Variants in PDE4D observed in about 807,000 individuals in gnomAD.
The protein encoded by PDE4D is 3',5'-cyclic-AMP phosphodiesterase 4D.
Under a neutral mutation model 87.4 loss-of-function variants are expected in PDE4D, and 24 were observed. That is an observed-to-expected ratio of 0.27 (90% CI 0.20 to 0.39). The LOEUF is 0.39. PDE4D is among the 10% of genes least tolerant of loss of function. PDE4D has a pLI of 1.00. For synonymous variants in PDE4D, 384 were observed against 383.2 expected, an observed-to-expected ratio of 1.00 and a Z score of -0.02; for missense variants, 714 against 1,041.0, an observed-to-expected ratio of 0.69 and a Z score of 4.32.
chr5:59,625,447 C>G (rs938061757), intron 1 of PDE4D, among the ~76,000 whole-genome samples: 17 of 151,802 alleles, frequency 1.1e-4, no homozygotes, highest in African/African-American at 3.9e-4. Context: ...GTTTGAGACT[C>G]TGAGCACATA....
intron 1 of PDE4D, among the ~76,000 whole-genome samples, chr5:59,739,155 C>G (rs1320949494): frequency 6.6e-6 from 1 of 152,140 alleles, no homozygotes; most frequent in African/African-American, 2.4e-5. Context: ...TGCAGTGGCT[C>G]ACACCTGTAA....
In PDE4D at chr5:58,973,959, A is replaced by C. The variant is rs1195881999; in HGVS notation, c.*705T>G. 6.6e-6 allele frequency: 1 copy of C among 152,654 alleles called. No homozygotes were observed. Among genetic ancestry groups the C allele is most frequent in the Non-Finnish European group, 1.5e-5 (1 of 68,032 alleles). The allele number at this position is 152,654 out of a possible 1,614,324, so 9.5% of individuals were successfully genotyped here. On this transcript the variant is annotated 3_prime_UTR_variant, in exon 15 of 15. Transcript: ENST00000340635. ...TAGATTTTTATCCAGTGTAGCACAGATTTGTACTGAAAACTTGCAAGTTAC... is the reference window on the plus strand; with the variant it reads ...TAGATTTTTATCCAGTGTAGCACAGCTTTGTACTGAAAACTTGCAAGTTAC...
intron 5 of PDE4D, among the ~76,000 whole-genome samples, chr5:59,112,929 T>C (rs1051167250): frequency 6.6e-6 from 1 of 151,882 alleles, no homozygotes; most frequent in South Asian, 2.1e-4. Context: ...GCCTCCTGAG[T>C]AGCTGGGATT....
At chr5:60,186,383 T>A (rs1347077507) in intron 1 of PDE4D, among the ~76,000 whole-genome samples, 1 of 152,204 alleles carries the variant, frequency 6.6e-6, no homozygotes, top group African/African-American at 2.4e-5. Flanking sequence ...TAATCTTTGC[T>A]TTCTCCTAGA....
intron 1 of PDE4D, among the ~76,000 whole-genome samples, chr5:59,493,209 G>A (rs1394427758): frequency 1.3e-5 from 2 of 152,006 alleles, no homozygotes; most frequent in African/African-American, 4.8e-5. Context: ...CCAGAAAAAA[G>A]ACTATTCTAA....
intron 5 of PDE4D, among the ~76,000 whole-genome samples, chr5:59,080,170 A>G (rs1413787881): frequency 1.3e-5 from 2 of 152,146 alleles, no homozygotes; most frequent in African/African-American, 4.8e-5. Context: ...ACTCTGGTCT[A>G]TTTCCTGCAT....
At chr5:59,241,020 A>G (rs966908443) in intron 1 of PDE4D, among the ~76,000 whole-genome samples, 1 of 152,166 alleles carries the variant, frequency 6.6e-6, no homozygotes, top group Non-Finnish European at 1.5e-5. Context: ...AAAGGAGATA[A>G]AGCATGTGAA....
chr5:59,027,423 C>T (rs997562777), intron 6 of PDE4D, among the ~76,000 whole-genome samples: 7 of 152,094 alleles, frequency 4.6e-5, no homozygotes, highest in South Asian at 2.1e-4. Context: ...CTCACACTTA[C>T]GGTGTAGGGG....
intron 1 of PDE4D, among the ~76,000 whole-genome samples, chr5:60,317,800 GA>G (rs1311551481): frequency 4.6e-5 from 7 of 152,180 alleles, no homozygotes; most frequent in Non-Finnish European, 8.8e-5. Flanking sequence ...GTGCAGTTTT[GA>G]GTGAGTTTCT....
intron 1 of PDE4D, among the ~76,000 whole-genome samples, chr5:59,581,865 G>A (rs567134330): frequency 4.6e-5 from 7 of 152,182 alleles, no homozygotes; most frequent in Admixed American, 6.5e-5. Context: ...TAATAGGATC[G>A]ATATCTCATA....
chr5:60,338,399 G>A (rs984474027), intron 1 of PDE4D, among the ~76,000 whole-genome samples: 13 of 152,134 alleles, frequency 8.5e-5, no homozygotes, highest in African/African-American at 2.9e-4. Flanking sequence ...TGCTGCCGCC[G>A]CCACTGAAAG....
chr5:60,264,821 G>T (rs1750016091), intron 1 of PDE4D, among the ~76,000 whole-genome samples: 1 of 152,140 alleles, frequency 6.6e-6, no homozygotes, highest in South Asian at 2.1e-4. Flanking sequence ...TGATTATGGA[G>T]TGACAACATT....
intron 1 of PDE4D, among the ~76,000 whole-genome samples, chr5:59,829,366 C>T (rs1740831987): frequency 6.6e-6 from 1 of 151,616 alleles, no homozygotes; most frequent in South Asian, 2.1e-4. Flanking sequence ...GTATATATAC[C>T]CAATTATGTA....
chr5:59,018,227 C>A (rs985236804), intron 6 of PDE4D, among the ~76,000 whole-genome samples: 1 of 152,224 alleles, frequency 6.6e-6, no homozygotes, highest in African/African-American at 2.4e-5. Context: ...CTATCAGAAT[C>A]ACGGATACTG....
chr5:60,058,084 A>G (rs1018731086), intron 2 of PDE4D, among the ~76,000 whole-genome samples: 4 of 151,958 alleles, frequency 2.6e-5, no homozygotes, highest in Admixed American at 6.6e-5. Context: ...AAGGAACAGC[A>G]AGGTACCCGA....
rs541303133 is a variant in PDE4D, at chr5:60,508,810, G to A, written n.70+13241C>T. On this transcript the variant is annotated intron_variant and non_coding_transcript_variant, in intron 1 of 2. Coordinates refer to the PDE4D transcript ENST00000506510. The stretch of plus-strand genomic sequence containing the variant: ...TTAATTCATTAACACTAAACACCCT[G>A]CCAGCAGCTCTATAACTCATGTTTG... 2.6e-5 allele frequency among the ~76,000 whole-genome samples: 4 copies of A among 152,184 alleles called. 1 individual carries two copies. Among genetic ancestry groups the A allele is most frequent in the African/African-American group, 9.6e-5 (4 of 41,528 alleles).
intron 1 of PDE4D, among the ~76,000 whole-genome samples, chr5:59,624,000 T>TGTGTTC (rs1436479337): frequency 7.2e-5 from 11 of 152,230 alleles, no homozygotes; most frequent in African/African-American, 2.7e-4. Flanking sequence ...TTATTTGGCC[T>TGTGTTC]TACTATTTTT....
At chr5:59,582,644 G>C (rs1463339836) in intron 1 of PDE4D, among the ~76,000 whole-genome samples, 1 of 152,136 alleles carries the variant, frequency 6.6e-6, no homozygotes, top group Non-Finnish European at 1.5e-5. Flanking sequence ...TGAATTGAAT[G>C]CTTGGTCTAT....
At chr5:58,988,168 C>T (rs984604917) in intron 11 of PDE4D, among the ~76,000 whole-genome samples, 6 of 151,422 alleles carry the variant, frequency 4.0e-5, no homozygotes, top group African/African-American at 1.5e-4. Context: ...ATTCTCATAA[C>T]TTTTTTTTTA....
Sources: allele counts gnomAD v4.1 joint callset (sites outside exome capture counted in the v4.1 genomes callset), GRCh38; gene constraint gnomAD v4.1.1; transcripts MANE v1.5; gene names NCBI Gene and HGNC (gene_info 2026-07-23, HGNC 2026-07-21).